Variants in DLGAP2 observed in about 807,000 individuals in gnomAD.
DLGAP2 encodes disks large-associated protein 2.
In DLGAP2, 26 loss-of-function variants were observed where a neutral mutation model predicts 100.3. The ratio of observed to expected loss-of-function variants is 0.26; its 90% CI spans 0.19 to 0.36. DLGAP2 has a LOEUF of 0.36. Among genes scored for constraint, DLGAP2 ranks in the 10% least tolerant of loss-of-function variants. The pLI is 1.00. For missense variants in DLGAP2, 1,858 were observed against 1,453.2 expected, an observed-to-expected ratio of 1.28 and a Z score of -4.53; for synonymous variants, 886 against 630.1, an observed-to-expected ratio of 1.41 and a Z score of -6.08.
chr8:1,622,007 A>C (rs1428725684), intron 6 of DLGAP2: 1 of 152,238 alleles, frequency 6.6e-6, no homozygotes, highest in East Asian at 1.9e-4. Context: ...AATGATCTGG[A>C]AAGAAGCCAT....
At chr8:898,593 T>C (rs1798191438) in intron 1 of DLGAP2, among the ~76,000 whole-genome samples, 1 of 152,192 alleles carries the variant, frequency 6.6e-6, no homozygotes, top group Non-Finnish European at 1.5e-5. Context: ...ACGTGGATTT[T>C]GAGGCGCCTG....
At chr8:1,219,566 C>T (rs1374645979) in intron 2 of DLGAP2, among the ~76,000 whole-genome samples, 3 of 152,052 alleles carry the variant, frequency 2.0e-5, no homozygotes, top group Non-Finnish European at 1.5e-5. Flanking sequence ...GGATACTTAG[C>T]ACAAGTTTTC....
intron 3 of DLGAP2, among the ~76,000 whole-genome samples, chr8:1,458,278 G>A (rs1798378126): frequency 6.6e-6 from 1 of 151,874 alleles, no homozygotes; most frequent in Admixed American, 6.6e-5. Flanking sequence ...AAATTTTTGA[G>A]TTTTTAAAAT....
At chr8:804,502 A>G (rs532076090) in intron 1 of DLGAP2, among the ~76,000 whole-genome samples, 3 of 152,160 alleles carry the variant, frequency 2.0e-5, no homozygotes, top group Admixed American at 1.3e-4. Context: ...TCCGTGTGTT[A>G]TCAGGTGACG....
intron 2 of DLGAP2, among the ~76,000 whole-genome samples, chr8:963,545 G>A (rs890789699): frequency 2.6e-5 from 4 of 152,128 alleles, no homozygotes; most frequent in African/African-American, 9.7e-5. Context: ...AGCGTTAAAT[G>A]TAATTCCTCT....
chr8:990,118 C>T (rs1377568978), intron 2 of DLGAP2, among the ~76,000 whole-genome samples: 1 of 152,042 alleles, frequency 6.6e-6, no homozygotes, highest in Non-Finnish European at 1.5e-5. Context: ...GCTGTGTTAC[C>T]TCCTTTCTAT....
At chr8:1,131,685 G>A (rs994217383) in intron 2 of DLGAP2, among the ~76,000 whole-genome samples, 5 of 150,978 alleles carry the variant, frequency 3.3e-5, no homozygotes, top group African/African-American at 9.9e-5. Context: ...TGCCGGACGC[G>A]GCTGCTGTTC....
intron 3 of DLGAP2, among the ~76,000 whole-genome samples, chr8:1,457,197 C>T (rs145747269): frequency 4.3e-4 from 65 of 152,266 alleles, no homozygotes; most frequent in African/African-American, 1.3e-3. Flanking sequence ...GTTTTCATCC[C>T]ATTTTATTTG....
intron 8 of DLGAP2, among the ~76,000 whole-genome samples, chr8:1,633,641 AAT>A (rs1329410157): frequency 6.6e-6 from 1 of 152,212 alleles, no homozygotes; most frequent in East Asian, 1.9e-4. Flanking sequence ...TTTACTGCCT[AAT>A]ATGTTATTAT....
At chr8:1,335,912 A>G (rs13264942) in intron 3 of DLGAP2, among the ~76,000 whole-genome samples, 88,960 of 151,648 alleles carry the variant, frequency 0.59, 28,090 homozygotes, top group African/African-American at 0.84. Flanking sequence ...AGGCATCAGG[A>G]CCCTAGAGCC....
intron 2 of DLGAP2, among the ~76,000 whole-genome samples, chr8:1,206,835 G>C (rs12549181): frequency 0.71 from 107,913 of 151,942 alleles, 39,565 homozygotes; most frequent in African/African-American, 0.9. Context: ...CTCTTCTGTC[G>C]CTGACACAGC....
intron 3 of DLGAP2, among the ~76,000 whole-genome samples, chr8:1,282,526 C>G (rs1799838255): frequency 9.4e-5 from 12 of 127,552 alleles, no homozygotes; most frequent in African/African-American, 2.1e-4. Flanking sequence ...TGACCTGAAC[C>G]CAGCACCCTG....
chr8:1,254,141 G>A (rs1315619363), intron 2 of DLGAP2, among the ~76,000 whole-genome samples: 4 of 152,286 alleles, frequency 2.6e-5, no homozygotes, highest in East Asian at 1.9e-4. Context: ...TGGGCTCAGC[G>A]CTGAGGGCTG....
At chr8:1,107,499 A>G (rs1280199232) in intron 2 of DLGAP2, among the ~76,000 whole-genome samples, 1 of 152,192 alleles carries the variant, frequency 6.6e-6, no homozygotes, top group Non-Finnish European at 1.5e-5. Flanking sequence ...AAAAAGCCAC[A>G]GCTCTTCACA....
intron 3 of DLGAP2, among the ~76,000 whole-genome samples, chr8:1,341,315 C>T: frequency 6.6e-6 from 1 of 152,124 alleles, no homozygotes; most frequent in African/African-American, 2.4e-5. Context: ...TTTCATATCC[C>T]CCAGCATTTT....
chr8:1,680,425 G>A (rs1798916708), intron 12 of DLGAP2: 1 of 152,246 alleles, frequency 6.6e-6, no homozygotes, highest in South Asian at 2.1e-4. Flanking sequence ...ATGGCGTGCT[G>A]ATTTTTTATT....
intron 3 of DLGAP2, among the ~76,000 whole-genome samples, chr8:1,496,745 G>A (rs570386271): frequency 6.6e-6 from 1 of 152,166 alleles, no homozygotes; most frequent in Non-Finnish European, 1.5e-5. Flanking sequence ...TGTGTTGTGT[G>A]TTCACTCGGG....
chr8:1,308,299 C>T (rs993736802), intron 3 of DLGAP2, among the ~76,000 whole-genome samples: 1 of 152,164 alleles, frequency 6.6e-6, no homozygotes, highest in Non-Finnish European at 1.5e-5. Context: ...AACAGAGACT[C>T]CAGTGACTGC....
chr8:761,096 C>G (rs1327417508), intron 1 of DLGAP2, among the ~76,000 whole-genome samples: 1 of 152,292 alleles, frequency 6.6e-6, no homozygotes, highest in Non-Finnish European at 1.5e-5. Context: ...GCTCTCTGCA[C>G]GTCGCTTGTG....
Sources: allele counts gnomAD v4.1 joint callset (sites outside exome capture counted in the v4.1 genomes callset), GRCh38; gene constraint gnomAD v4.1.1; transcripts MANE v1.5; gene names NCBI Gene and HGNC (gene_info 2026-07-23, HGNC 2026-07-21).